LRP1B: variants seen among roughly 807,000 people sequenced by gnomAD.
The protein encoded by LRP1B is LDL receptor related protein 1B, also known as low-density lipoprotein receptor-related protein 1B.
In LRP1B, 217 loss-of-function variants were observed where a neutral mutation model predicts 556.6. The ratio of observed to expected loss-of-function variants is 0.39; its 90% CI spans 0.35 to 0.44. The LOEUF (loss-of-function observed/expected upper bound fraction) is 0.44, where lower values mean the gene tolerates loss of function less well. Among genes scored for constraint, LRP1B ranks in the 20% least tolerant of loss-of-function variants. The probability of loss-of-function intolerance (pLI) is 1.00; values close to 1 mark genes in which losing one functional copy is unlikely to be tolerated. For synonymous variants in LRP1B, 2,047 were observed against 1,865.8 expected, an observed-to-expected ratio of 1.10 and a Z score of -2.50; for missense variants, 5,053 against 5,620.8, an observed-to-expected ratio of 0.90 and a Z score of 3.23.
At chr2:141,521,860 G>A (rs920649638) in intron 2 of LRP1B, among the ~76,000 whole-genome samples, 3 of 151,966 alleles carry the variant, frequency 2.0e-5, no homozygotes, top group Non-Finnish European at 4.4e-5. Flanking sequence ...AGTTAAATTT[G>A]TACTAATTTT....
At chr2:141,022,900 C>T (rs1200871622) in intron 11 of LRP1B, among the ~76,000 whole-genome samples, 1 of 151,726 alleles carries the variant, frequency 6.6e-6, no homozygotes, top group Non-Finnish European at 1.5e-5. Context: ...TAATAGCAAA[C>T]AAGAGCATGG....
At chr2:141,625,181 G>T (rs140967528) in intron 2 of LRP1B, among the ~76,000 whole-genome samples, 2 of 151,998 alleles carry the variant, frequency 1.3e-5, no homozygotes, top group South Asian at 2.1e-4. Context: ...TCTTTTCTTC[G>T]CACTTTTTAA....
chr2:141,731,700 C>A (rs968800682), intron 2 of LRP1B, among the ~76,000 whole-genome samples: 1 of 152,198 alleles, frequency 6.6e-6, no homozygotes, highest in South Asian at 2.1e-4. Flanking sequence ...CAGACTCCAC[C>A]ATCTACCAAC....
At chr2:141,929,821 A>G (rs1443048457) in intron 1 of LRP1B, among the ~76,000 whole-genome samples, 1 of 151,112 alleles carries the variant, frequency 6.6e-6, no homozygotes, top group Non-Finnish European at 1.5e-5. Context: ...AACTGAGCAC[A>G]AGGTTAACAT....
chr2:140,731,565 C>T (rs1355799541), intron 35 of LRP1B, among the ~76,000 whole-genome samples: 5 of 151,826 alleles, frequency 3.3e-5, no homozygotes, highest in African/African-American at 7.3e-5. Context: ...GTCAAGAGAT[C>T]GAGACCATCC....
At chr2:141,271,234 C>A (rs1262464776) in intron 3 of LRP1B, among the ~76,000 whole-genome samples, 1 of 150,674 alleles carries the variant, frequency 6.6e-6, no homozygotes, top group African/African-American at 2.4e-5. Context: ...GAAAAATAAA[C>A]AGAGCTTGAG....
At chr2:142,076,968 C>G (rs1246368898) in intron 1 of LRP1B, among the ~76,000 whole-genome samples, 1 of 152,010 alleles carries the variant, frequency 6.6e-6, no homozygotes, top group Non-Finnish European at 1.5e-5. Flanking sequence ...TACAGTGTGT[C>G]ACAGAATTAA....
intron 41 of LRP1B, among the ~76,000 whole-genome samples, chr2:140,633,321 T>G (rs1292942045): frequency 6.6e-6 from 1 of 152,006 alleles, no homozygotes; most frequent in African/African-American, 2.4e-5. Flanking sequence ...TGCAACAAAA[T>G]CTGTTGTCTC....
At chr2:141,470,893 G>A (rs1467813392) in intron 3 of LRP1B, among the ~76,000 whole-genome samples, 1 of 152,196 alleles carries the variant, frequency 6.6e-6, no homozygotes, top group African/African-American at 2.4e-5. Flanking sequence ...TAGTATTTTA[G>A]TAGCTTGCTA....
chr2:141,654,855 G>A (rs1369734293), intron 2 of LRP1B, among the ~76,000 whole-genome samples: 1 of 152,092 alleles, frequency 6.6e-6, no homozygotes, highest in Non-Finnish European at 1.5e-5. Context: ...TTAATCAAGT[G>A]TCTCAGTCTG....
chr2:142,090,802 GAT>G (rs1706138166), intron 1 of LRP1B, among the ~76,000 whole-genome samples: 1 of 152,116 alleles, frequency 6.6e-6, no homozygotes, highest in African/African-American at 2.4e-5. Flanking sequence ...ATTTTAAGTG[GAT>G]ATATAGTTTC....
intron 7 of LRP1B, among the ~76,000 whole-genome samples, chr2:141,133,777 A>G (rs1464475727): frequency 2.0e-5 from 3 of 152,004 alleles, no homozygotes; most frequent in Non-Finnish European, 4.4e-5. Flanking sequence ...GTGGTTAAAG[A>G]ATGGATAGAT....
At chr2:140,332,794 A>G (rs900910418) in intron 79 of LRP1B, among the ~76,000 whole-genome samples, 1 of 152,066 alleles carries the variant, frequency 6.6e-6, no homozygotes, top group African/African-American at 2.4e-5. Context: ...AATGACTTTT[A>G]CAAGAATTCT....
At chr2:141,643,366 G>C (rs1023702277) in intron 2 of LRP1B, among the ~76,000 whole-genome samples, 7 of 150,154 alleles carry the variant, frequency 4.7e-5, no homozygotes, top group Admixed American at 2.1e-4. Context: ...AGTGGTAAAG[G>C]GTATTCTATT....
At position 140,323,989 on chromosome 2, in the gene LRP1B, C is replaced by T. The variant is rs896513422; in HGVS notation, c.12418G>A (p.Val4140Ile). Residue 4140 changes from valine (V) to isoleucine (I), a missense_variant, in exon 81 of 91, where the codon GTT becomes ATT. Val to Ile is a conservative substitution (Grantham distance 29). Around this residue, in one of 5 missense-constraint regions of LRP1B, gnomAD observed 551 missense variants for 592.0 expected, o/e 0.93. Transcript: ENST00000389484. ...ACTGAACCATGGCCAAATTTTTGAA[C>T]TCGAAATACACCATTTTTAGGTCCT... Reference protein sequence around the residue: ...GAGPKNGVFRVQKFGHGSVEY... With the variant: ...GAGPKNGVFRIQKFGHGSVEY... 1.2e-6 allele frequency: 2 copies of T among 1,608,810 alleles called. No homozygotes were observed. The highest frequency in any genetic ancestry group is 1.3e-5 in the African/African-American group (1 of 74,674).
chr2:141,328,772 A>G (rs1687524933), intron 3 of LRP1B, among the ~76,000 whole-genome samples: 1 of 152,204 alleles, frequency 6.6e-6, no homozygotes, highest in South Asian at 2.1e-4. Flanking sequence ...TACATCATGA[A>G]TGCTGGGCTC....
At chr2:140,402,862 A>G (rs1216008179) in intron 66 of LRP1B, among the ~76,000 whole-genome samples, 1 of 152,234 alleles carries the variant, frequency 6.6e-6, no homozygotes, top group East Asian at 1.9e-4. Context: ...CTGAGGAAAA[A>G]TTAAGTAAAT....
chr2:140,308,840 C>T (rs1047314461), intron 83 of LRP1B, among the ~76,000 whole-genome samples: 2 of 151,728 alleles, frequency 1.3e-5, no homozygotes, highest in Non-Finnish European at 3.0e-5. Flanking sequence ...TTACTCAAAA[C>T]ATTTCTACTA....
At chr2:141,669,949 T>C (rs979398477) in intron 2 of LRP1B, among the ~76,000 whole-genome samples, 1 of 152,026 alleles carries the variant, frequency 6.6e-6, no homozygotes, top group African/African-American at 2.4e-5. Context: ...CAGACGGGGT[T>C]TCACCATGTT....
Sources: gnomAD v4.1 joint callset for allele counts (sites outside exome capture counted in the v4.1 genomes callset) on GRCh38, gnomAD v4.1.1 for gene constraint, gnomAD v4.1.1 regional missense constraint, MANE v1.5 for transcripts, NCBI Gene and HGNC (gene_info 2026-07-23, HGNC 2026-07-21) for gene names.